TXNL4A: variants seen among roughly 807,000 people sequenced by gnomAD.
TXNL4A encodes the protein thioredoxin like 4A.
Under a neutral mutation model 14.6 loss-of-function variants are expected in TXNL4A, and 17 were observed. That is an observed-to-expected ratio of 1.16 (90% CI 0.80 to 1.74). The LOEUF is 1.74. Ranked by LOEUF, TXNL4A falls within the 40% of genes most tolerant of loss-of-function variation. The pLI, the probability that TXNL4A is intolerant of heterozygous loss-of-function variation, is 0.00. For missense variants in TXNL4A, 74 were observed against 195.2 expected, an observed-to-expected ratio of 0.38 and a Z score of 3.70; for synonymous variants, 83 against 70.6, an observed-to-expected ratio of 1.18 and a Z score of -0.88.
intron 1 of TXNL4A, among the ~76,000 whole-genome samples, chr18:80,033,222 CAT>C (rs1400628174): frequency 6.6e-6 from 1 of 152,110 alleles, no homozygotes; most frequent in African/African-American, 2.4e-5. Context: ...CACATGCACA[CAT>C]ATACATGTCC....
At chr18:79,984,734 TGAG>T (rs1243765618) in intron 1 of TXNL4A, among the ~76,000 whole-genome samples, 1 of 152,228 alleles carries the variant, frequency 6.6e-6, no homozygotes, top group African/African-American at 2.4e-5. Context: ...CTTAGCCTCC[TGAG>T]TAGTGGGGTT....
In TXNL4A at chr18:79,988,398, C is replaced by A; in HGVS notation, c.-6G>T. On this transcript the variant is annotated 5_prime_UTR_variant, in exon 1 of 3. Transcript: ENST00000269601. ...TGCGGGAGCATGTACGACATGGCGG[C>A]CCGCGCGCTCGCCGCCGCCCAAGGC... is the stretch of plus-strand genomic sequence containing the variant. 1.4e-6 allele frequency: 2 copies of A among 1,447,698 alleles called. No homozygotes were observed. The highest frequency in any genetic ancestry group is 1.5e-5 in the African/African-American group (1 of 68,940). The allele number at this position is 1,447,698 out of a possible 1,614,324, so 89.7% of individuals were successfully genotyped here.
chr18:80,027,309 C>T (rs1049245690), intron 1 of TXNL4A, among the ~76,000 whole-genome samples: 7 of 151,872 alleles, frequency 4.6e-5, no homozygotes, highest in Non-Finnish European at 7.4e-5. Flanking sequence ...CCCCATATTC[C>T]CTGTAAAACA....
rs1417423069 is a variant in TXNL4A at position 80,021,180 on chromosome 18, ATC to A, written c.-61+12669_-61+12670del. ...TTAACTAGTTAGCCTGGTTGGAGGG[ATC>A]TTTTTTTTTTTTGAGATGGAGTCTT... On this transcript the variant is annotated intron_variant, in intron 1 of 2. Coordinates refer to the TXNL4A transcript ENST00000585474. Among the ~76,000 whole-genome samples, 11 of 131,884 alleles carry A rather than the reference ATC, an allele frequency of 8.3e-5. No homozygotes were observed. In the East Asian group the frequency reaches 2.1e-3, roughly 25 times the overall value. The allele number at this position is 131,884 out of a possible 152,430, so 86.5% of individuals were successfully genotyped here. A position where few individuals can be genotyped will look rare whatever the true frequency, so the allele number is the denominator to read the frequency against.
At chr18:80,013,122 A>AT (rs35502760) in intron 1 of TXNL4A, among the ~76,000 whole-genome samples, 41,758 of 95,994 alleles carry the variant, frequency 0.44, 7,203 homozygotes, top group Non-Finnish European at 0.53. Flanking sequence ...AAAAAAAAAA[A>AT]TTTTTTTTTT....
chr18:79,985,850 C>G (rs1027456907), intron 1 of TXNL4A: 4 of 152,096 alleles, frequency 2.6e-5, no homozygotes, highest in African/African-American at 9.7e-5. Flanking sequence ...AGGAAGAGTC[C>G]CCATTATCTG....
In TXNL4A at chr18:79,982,534, G is replaced by A. The variant is rs2051479784; in HGVS notation, c.154-4833C>T. On this transcript the variant is annotated intron_variant, in intron 1 of 2. Transcript: ENST00000269601. The surrounding 1 kb of genome is among the most constrained non-coding windows in gnomAD (Gnocchi z 4.0). ...GAGTGCAGAAGCCCACTGTAGAGTT[G>A]GGGGCAGGAAAGGGATGCCAAGGAG... Among the ~76,000 whole-genome samples the A allele has an allele frequency of 6.6e-6, 1 of 152,122 alleles. No homozygotes were observed. Among genetic ancestry groups the A allele is most frequent in the South Asian group, 2.1e-4 (1 of 4,820 alleles).
intron 1 of TXNL4A, chr18:79,979,743 T>G (rs1599718185): frequency 6.6e-6 from 1 of 152,254 alleles, no homozygotes; most frequent in African/African-American, 2.4e-5. Context: ...TGTTACTCTC[T>G]GATTGTTCAT....
At chr18:79,975,376 G>A (rs375677770) in intron 2 of TXNL4A, among the ~76,000 whole-genome samples, 4 of 152,326 alleles carry the variant, frequency 2.6e-5, no homozygotes, top group South Asian at 4.1e-4. Flanking sequence ...CACAGAAACA[G>A]CAGAAGGAAG....
intron 1 of TXNL4A, among the ~76,000 whole-genome samples, chr18:80,020,938 G>A (rs907310145): frequency 2.6e-5 from 4 of 152,198 alleles, no homozygotes; most frequent in African/African-American, 9.7e-5. Context: ...ACAGAGCTGA[G>A]CATTAGATTT....
At position 79,977,638 on chromosome 18, in the gene TXNL4A, A is replaced by G; in HGVS notation, c.217T>C (p.Tyr73His). ...ITEVPDFNKM[Y>H]ELYDPCTVMF... ...ACAGTACATGGATCGTATAACTCAT[A>G]CATTTTGTTGAAGTCAGGCACTTCT... Residue 73 changes from tyrosine (Y) to histidine (H), a missense_variant, in exon 2 of 3, where the codon TAT (tyrosine) becomes CAT (histidine). Coordinates refer to ENST00000269601, the MANE Select transcript of TXNL4A (RefSeq NM_006701.5). 6.2e-7 allele frequency: 1 copy of G among 1,613,048 alleles called. No individual in the cohort carries two copies.
intron 1 of TXNL4A, among the ~76,000 whole-genome samples, chr18:79,998,966 A>C (rs914552895): frequency 7.2e-5 from 11 of 152,134 alleles, no homozygotes. Context: ...CTTATTTAAG[A>C]GGAGAGGATG....
intron 1 of TXNL4A, among the ~76,000 whole-genome samples, chr18:80,030,129 C>A (rs941118900): frequency 3.3e-5 from 5 of 152,200 alleles, no homozygotes; most frequent in Non-Finnish European, 7.3e-5. Context: ...TAACTCCCAC[C>A]AAAGACCTTT....
chr18:80,010,131 G>A (rs887812881), intron 1 of TXNL4A, among the ~76,000 whole-genome samples: 1 of 152,180 alleles, frequency 6.6e-6, no homozygotes, highest in Non-Finnish European at 1.5e-5. Flanking sequence ...CTGGACTCTT[G>A]TTTTACCTTC....
chr18:80,001,489 G>T (rs1049439491), intron 1 of TXNL4A, among the ~76,000 whole-genome samples: 1 of 152,062 alleles, frequency 6.6e-6, no homozygotes, highest in African/African-American at 2.4e-5. Context: ...AGCTTGCTCT[G>T]TGGCCCTGGA....
chr18:80,001,968 A>G (rs1365114045), intron 1 of TXNL4A, among the ~76,000 whole-genome samples: 2 of 152,112 alleles, frequency 1.3e-5, no homozygotes, highest in East Asian at 3.9e-4. Context: ...CAGGGATGCA[A>G]TGGTATTGTT....
At chr18:80,010,950 G>A (rs1419119535) in intron 1 of TXNL4A, among the ~76,000 whole-genome samples, 1 of 151,944 alleles carries the variant, frequency 6.6e-6, no homozygotes, top group Non-Finnish European at 1.5e-5. Context: ...TGGGGAGGTT[G>A]GGCATTGCTT....
chr18:79,979,189 C>G (rs532722205), intron 1 of TXNL4A: 1 of 149,708 alleles, frequency 6.7e-6, no homozygotes, highest in African/African-American at 2.5e-5. Flanking sequence ...CCACCCACCT[C>G]GGCCTCCCAA....
chr18:79,977,520 A>C (rs1599714492), intron 2 of TXNL4A, 78 bp downstream of exon 2: 1 of 1,244,704 alleles, frequency 8.0e-7, no homozygotes, highest in South Asian at 1.3e-5. Flanking sequence ...AAAATAAAAT[A>C]ATCTAAAGAG....
Sources: gnomAD v4.1 joint callset for allele counts (sites outside exome capture counted in the v4.1 genomes callset) on GRCh38, gnomAD v4.1.1 for gene constraint, Gnocchi (gnomAD v3.1) non-coding constraint, MANE v1.5 for transcripts, NCBI Gene and HGNC (gene_info 2026-07-23, HGNC 2026-07-21) for gene names.